TPTE: variants seen among roughly 807,000 people sequenced by gnomAD.
TPTE encodes transmembrane phosphatase with tensin homology, also known as putative tyrosine-protein phosphatase TPTE.
In TPTE, 59 loss-of-function variants were observed where a neutral mutation model predicts 84.1. That is an observed-to-expected ratio of 0.70 (90% confidence interval 0.57 to 0.87). The LOEUF (loss-of-function observed/expected upper bound fraction) is 0.87, where lower values mean the gene tolerates loss of function less well. TPTE is among the 40% of genes least tolerant of loss of function. The probability of loss-of-function intolerance (pLI) is 0.00; values close to 1 mark genes in which losing one functional copy is unlikely to be tolerated. For missense variants in TPTE, 382 were observed against 659.6 expected, an observed-to-expected ratio of 0.58 and a Z score of 4.61; for synonymous variants, 130 against 223.5, an observed-to-expected ratio of 0.58 and a Z score of 3.73.
intron 3 of TPTE, among the ~76,000 whole-genome samples, chr21:10,533,657 T>G (rs979650270): frequency 1.3e-5 from 2 of 152,310 alleles, no homozygotes; most frequent in African/African-American, 4.8e-5. Flanking sequence ...AATTATATAG[T>G]CAGTCTCACT....
At chr21:10,540,668 G>A (rs2074352205) in intron 4 of TPTE, 1 of 519,056 alleles carries the variant, frequency 1.9e-6, no homozygotes, top group South Asian at 1.4e-5. Flanking sequence ...CTCTCACATG[G>A]GATGGAGCCC....
At chr21:10,526,529 A>G (rs537937573) in intron 2 of TPTE, among the ~76,000 whole-genome samples, 206 of 152,332 alleles carry the variant, frequency 1.4e-3, no homozygotes, top group African/African-American at 4.7e-3. Flanking sequence ...AGAGAATCCC[A>G]GTTGTTATCA....
chr21:10,544,054 G>A (rs1161276235), intron 7 of TPTE, among the ~76,000 whole-genome samples: 5 of 152,304 alleles, frequency 3.3e-5, no homozygotes, highest in African/African-American at 7.2e-5. Context: ...ATCAGTGAAA[G>A]GAAGGAGGTG....
intron 10 of TPTE, among the ~76,000 whole-genome samples, chr21:10,566,428 C>G (rs1322647176): frequency 4.6e-5 from 7 of 152,302 alleles, no homozygotes; most frequent in Admixed American, 1.3e-4. Flanking sequence ...TTAGTAGAAC[C>G]AATTGGAGAA....
chr21:10,601,513 AAAG>A (rs1170139121), intron 21 of TPTE, among the ~76,000 whole-genome samples: 454 of 151,410 alleles, frequency 3.0e-3, no homozygotes, highest in African/African-American at 0.01. Flanking sequence ...AAAAAAAAGA[AAAG>A]AAAAGTGGTT....
chr21:10,586,010 T>A (rs1242730066), intron 17 of TPTE, among the ~76,000 whole-genome samples: 1 of 152,306 alleles, frequency 6.6e-6, no homozygotes, highest in Non-Finnish European at 1.5e-5. Flanking sequence ...ATTTTACTAG[T>A]CTTTTAAAAG....
At chr21:10,528,959 G>A (rs1253224987) in intron 3 of TPTE, among the ~76,000 whole-genome samples, 1 of 152,310 alleles carries the variant, frequency 6.6e-6, no homozygotes, top group African/African-American at 2.4e-5. Flanking sequence ...GGCTGAGGCA[G>A]GTGGACCACG....
chr21:10,581,966 C>A (rs1414123804), intron 17 of TPTE, among the ~76,000 whole-genome samples: 1 of 152,310 alleles, frequency 6.6e-6, no homozygotes, highest in East Asian at 1.9e-4. Context: ...AACCCCTGGA[C>A]TCAAGTGATC....
At chr21:10,526,244 A>G (rs1193387753) in intron 2 of TPTE, among the ~76,000 whole-genome samples, 2 of 152,306 alleles carry the variant, frequency 1.3e-5, no homozygotes, top group African/African-American at 2.4e-5. Flanking sequence ...GGTTCCCCTC[A>G]TGGCCCTCAG....
chr21:10,593,367 T>C, intron 19 of TPTE, among the ~76,000 whole-genome samples: 1 of 152,308 alleles, frequency 6.6e-6, no homozygotes, highest in Non-Finnish European at 1.5e-5. Flanking sequence ...TCCAAAATTG[T>C]CTTAAAATCT....
At chr21:10,592,169 A>AT in intron 18 of TPTE, 124 bp from the exon 19 acceptor site, 1 of 1,494,616 alleles carries the variant, frequency 6.7e-7, no homozygotes, top group Admixed American at 1.9e-5. Flanking sequence ...TACCAAAAAA[A>AT]CAAACAAACA....
Position 10,552,953 on chromosome 21 carries a change from T to C in TPTE, c.233+237T>C, listed in dbSNP as rs2074607304. Among the ~76,000 whole-genome samples the C allele has an allele frequency of 4.6e-5, 7 of 152,424 alleles. No individual in the cohort carries two copies. The South Asian group carries it at 1.4e-3, about 32-fold the overall frequency. On this transcript the variant is annotated intron_variant, in intron 8 of 23. Coordinates refer to ENST00000618007, the MANE Select transcript of TPTE (RefSeq NM_199261.4). ...TCTTCTAGCTTGAAAATGTAAAAAGTATTCTTAGAGGAAATTAATTCCATT... is the reference window on the plus strand; with the variant it reads ...TCTTCTAGCTTGAAAATGTAAAAAGCATTCTTAGAGGAAATTAATTCCATT...
intron 3 of TPTE, among the ~76,000 whole-genome samples, chr21:10,528,127 A>C (rs1351149997): frequency 6.6e-6 from 1 of 152,310 alleles, no homozygotes; most frequent in Non-Finnish European, 1.5e-5. Context: ...CCAGGTGCCA[A>C]ATAACAGATT....
chr21:10,582,841 C>G (rs528848765), intron 17 of TPTE, among the ~76,000 whole-genome samples: 1 of 152,426 alleles, frequency 6.6e-6, no homozygotes, highest in African/African-American at 2.4e-5. Flanking sequence ...TCAAGCAATT[C>G]TCATGCCTGT....
At chr21:10,526,595 T>A (rs1324183025) in intron 2 of TPTE, among the ~76,000 whole-genome samples, 4 of 152,308 alleles carry the variant, frequency 2.6e-5, no homozygotes, top group Non-Finnish European at 5.9e-5. Flanking sequence ...GTTTGAAAAG[T>A]TAGAAAATTG....
intron 20 of TPTE, among the ~76,000 whole-genome samples, chr21:10,597,768 T>A (rs2010930234): frequency 6.6e-6 from 1 of 152,300 alleles, no homozygotes; most frequent in African/African-American, 2.4e-5. Flanking sequence ...ATTCTAAGTC[T>A]TCGAAGCTGA....
intron 3 of TPTE, among the ~76,000 whole-genome samples, chr21:10,532,333 T>A (rs1201056166): frequency 2.0e-5 from 3 of 152,426 alleles, no homozygotes; most frequent in Non-Finnish European, 2.9e-5. Flanking sequence ...TTTAAAAAAA[T>A]TTAGTTGTGT....
intron 10 of TPTE, among the ~76,000 whole-genome samples, chr21:10,566,889 A>G (rs2074932270): frequency 6.6e-6 from 1 of 152,264 alleles, no homozygotes; most frequent in Admixed American, 6.5e-5. Context: ...AGGCAGGAGA[A>G]TCGCTTGAAC....
chr21:10,588,378 T>C (rs2075404519), intron 17 of TPTE, among the ~76,000 whole-genome samples: 1 of 152,308 alleles, frequency 6.6e-6, no homozygotes, highest in African/African-American at 2.4e-5. Context: ...CTGTTGGATT[T>C]GGCTGTTATC....
Sources: gnomAD v4.1 joint callset for allele counts (sites outside exome capture counted in the v4.1 genomes callset) on GRCh38, gnomAD v4.1.1 for gene constraint, MANE v1.5 for transcripts, NCBI Gene and HGNC (gene_info 2026-07-23, HGNC 2026-07-21) for gene names.